The following NIBAN3 variants were observed in gnomAD, a reference collection of about 807,000 sequenced individuals.
NIBAN3 encodes the protein protein Niban 3.
NIBAN3 carries 66 observed loss-of-function variants against 76.4 expected under a neutral mutation model. That is an observed-to-expected ratio of 0.86 (90% CI 0.71 to 1.06). The LOEUF (loss-of-function observed/expected upper bound fraction) is 1.06, where lower values mean the gene tolerates loss of function less well. NIBAN3 is among the 50% of genes least tolerant of loss of function. NIBAN3 has a pLI of 0.00. For synonymous variants in NIBAN3, 360 were observed against 355.2 expected (o/e 1.01, Z -0.15); for missense variants, 808 against 810.7 (o/e 1.00, Z 0.04).
chr19:17,533,566 T>C lies in NIBAN3; in HGVS notation c.313-21T>C, dbSNP rs770670280. ...ACAGTTCAGACCTGTCCCAGGTTGG[T>C]TCTCTGGGTACCTTTTGTAGGAATA... is the stretch of plus-strand genomic sequence containing the variant. On this transcript the variant is annotated intron_variant, in intron 3 of 14. Transcript: ENST00000599164. 1.9e-6 allele frequency: 3 copies of C among 1,557,092 alleles called. No individual in the cohort carries two copies. In the African/African-American group the frequency reaches 4.1e-5, roughly 21 times the overall value.
chr19:17,542,377 C>A lies in NIBAN3; in HGVS notation c.1329+83C>A, dbSNP rs2075970784. ...TCCTGCTAAGTGTGCCCTGGAGAGA[C>A]CACGATGATCGAGACAACTCCGCGG... On this transcript the variant is annotated intron_variant, in intron 10 of 14. Transcript: ENST00000599164. The surrounding 1 kb of genome is among the most constrained non-coding windows in gnomAD (Gnocchi z 4.8). 7.0e-7 allele frequency: 1 copy of A among 1,422,610 alleles called. No homozygotes were observed. The highest frequency in any genetic ancestry group is 2.3e-5 in the East Asian group (1 of 43,290). The allele number at this position is 1,422,610 out of a possible 1,614,324, so 88.1% of individuals were successfully genotyped here. A position where few individuals can be genotyped will look rare whatever the true frequency, so the allele number is the denominator to read the frequency against.
At chr19:17,547,892 C>G (rs1406053098) in intron 13 of NIBAN3, among the ~76,000 whole-genome samples, 2 of 152,116 alleles carry the variant, frequency 1.3e-5, no homozygotes, top group African/African-American at 4.8e-5. Context: ...GTCTCGAACT[C>G]ATGACCTCGT....
chr19:17,546,202 A>G (rs2076052020), intron 12 of NIBAN3: 1 of 164,394 alleles, frequency 6.1e-6, no homozygotes, highest in Non-Finnish European at 1.3e-5. Flanking sequence ...ATATTGGAAT[A>G]AAGAGTAACT....
chr19:17,542,399 G>A lies in NIBAN3; in HGVS notation c.1329+105G>A, dbSNP rs1263410049. On this transcript the variant is annotated intron_variant, in intron 10 of 14. Coordinates refer to ENST00000599164, the MANE Select transcript of NIBAN3 (RefSeq NM_001321827.2). This position sits in a 1 kb window ranked among gnomAD's most constrained non-coding sequence, Gnocchi z 4.8. Reference sequence around the variant, plus strand: ...AGACCACGATGATCGAGACAACTCCGCGGGGCTGCCAGTCTCATGGGGACA... The same window carrying A: ...AGACCACGATGATCGAGACAACTCCACGGGGCTGCCAGTCTCATGGGGACA... 1.9e-5 allele frequency: 24 copies of A among 1,253,858 alleles called. No individual in the cohort carries two copies. The highest frequency in any genetic ancestry group is 1.2e-4 in the East Asian group (5 of 41,940). The allele number at this position is 1,253,858 out of a possible 1,614,324, so 77.7% of individuals were successfully genotyped here.
intron 8 of NIBAN3, 137 bp from the exon 9 acceptor site, chr19:17,540,255 A>T: frequency 5.2e-6 from 3 of 578,390 alleles, no homozygotes; most frequent in Admixed American, 8.4e-5. Flanking sequence ...TCCGAGGCTC[A>T]GTTTTCTCAT....
intron 14 of NIBAN3, 60 bp from the exon 15 acceptor site, chr19:17,551,726 T>C (rs2076159564): frequency 2.9e-6 from 2 of 699,818 alleles, no homozygotes; most frequent in East Asian, 2.6e-5. Flanking sequence ...TAAGCACTTA[T>C]TACATGCCAG....
rs74336438 is a variant in NIBAN3, at chr19:17,530,858, G to A, written c.159G>A (p.Pro53=). 83,641 of 1,613,196 alleles carry A rather than the reference G, an allele frequency of 0.052. 2,329 individuals carry two copies. The highest frequency in any genetic ancestry group is 0.073 in the South Asian group (6,604 of 91,040). The change falls in exon 2 of 15, where the codon CCG becomes CCA. Residue 53 remains proline, a synonymous_variant. Coordinates refer to ENST00000599164, the MANE Select transcript of NIBAN3 (RefSeq NM_001321827.2). ...QISRELGPQE[P]TGSQLLRSKK... ...CTCGAGAGCTGGGCCCTCAGGAGCC[G>A]ACCGGAAGCCAGTTGCTACGCAGCA...
At chr19:17,535,684 G>A (rs886141379) in intron 4 of NIBAN3, among the ~76,000 whole-genome samples, 1 of 149,048 alleles carries the variant, frequency 6.7e-6, no homozygotes, top group African/African-American at 2.5e-5. Context: ...GGAGGCAGAG[G>A]TTATAGTGAG....
At chr19:17,537,699 A>G (rs2075850557) in intron 5 of NIBAN3, among the ~76,000 whole-genome samples, 156 bp downstream of exon 5, 1 of 152,104 alleles carries the variant, frequency 6.6e-6, no homozygotes, top group African/African-American at 2.4e-5. Context: ...TAATTCTAGC[A>G]TTTTGGGAGG....
In NIBAN3 at chr19:17,540,690, T is replaced by C. The variant is rs988828171; in HGVS notation, c.1170+108T>C. On this transcript the variant is annotated intron_variant, in intron 9 of 14. Transcript: ENST00000599164. ...TTTGTTCTAGGCTGCTTTTTACTTA[T>C]TGTGGACCCATCACCATGCTATGGT... 11 of 864,946 alleles carry C rather than the reference T, an allele frequency of 1.3e-5. No homozygotes were observed. In the South Asian group the frequency reaches 2.7e-4, roughly 21 times the overall value. 53.6% of individuals were successfully genotyped at this position (864,946 alleles called of 1,614,324 possible). A position where few individuals can be genotyped will look rare whatever the true frequency, so the allele number is the denominator to read the frequency against.
chr19:17,550,704 A>C (rs1295475719), intron 14 of NIBAN3, among the ~76,000 whole-genome samples: 2 of 152,164 alleles, frequency 1.3e-5, no homozygotes, highest in Admixed American at 6.6e-5. Flanking sequence ...GAGTGTTAGA[A>C]TATTTCAGGA....
chr19:17,548,758 T>C (rs1169988754), intron 13 of NIBAN3, among the ~76,000 whole-genome samples: 1 of 152,016 alleles, frequency 6.6e-6, no homozygotes, highest in Non-Finnish European at 1.5e-5. Context: ...AAACCCCGTC[T>C]CTACTAAAAA....
At chr19:17,540,125 G>A in intron 8 of NIBAN3, 1 of 420,580 alleles carries the variant, frequency 2.4e-6, no homozygotes, top group African/African-American at 2.1e-5. Flanking sequence ...AATGCGGGTG[G>A]GCGGGCCTGG....
chr19:17,554,605 A>C (rs990003523), downstream of NIBAN3, among the ~76,000 whole-genome samples: 44 of 150,414 alleles, frequency 2.9e-4, no homozygotes, highest in African/African-American at 9.8e-4. Context: ...AATATGGTGA[A>C]ACCCCATCTC....
At position 17,552,160 on chromosome 19, in the gene NIBAN3, C is replaced by G. The variant is rs1015556209; in HGVS notation, c.*262C>G. On this transcript the variant is annotated 3_prime_UTR_variant, in exon 15 of 15. Transcript: ENST00000599164. Reference sequence around the variant, plus strand: ...GTGGCAGGATCTCGGCTCACTGCAACCTCCGCCTCCCGGGTTCAAGCGATT... The same window carrying G: ...GTGGCAGGATCTCGGCTCACTGCAAGCTCCGCCTCCCGGGTTCAAGCGATT... The G allele has an allele frequency of 4.6e-6, 1 of 219,016 alleles. No individual in the cohort carries two copies. Among genetic ancestry groups the G allele is most frequent in the Non-Finnish European group, 8.9e-6 (1 of 112,572 alleles). The allele number at this position is 219,016 out of a possible 1,614,324, so 13.6% of individuals were successfully genotyped here.
Position 17,540,433 on chromosome 19 carries a change from G to A in NIBAN3, c.1021G>A (p.Val341Met). The A allele has an allele frequency of 6.5e-7, 1 of 1,541,674 alleles. No homozygotes were observed. ...GCTCGAGTCGTGCCTGCGCCGGGAG[G>A]TGGACCCGCAGCTGCCCCGGGTCGT... ...GPLESCLRRE[V>M]DPQLPRVVQT... The change falls in exon 9 of 15, where the codon GTG becomes ATG. Residue 341 changes from valine (V) to methionine (M), a missense_variant. By Grantham distance (21) the Val-to-Met change is conservative. Transcript: ENST00000599164.
At position 17,545,304 on chromosome 19, in the gene NIBAN3, C is replaced by T. The variant is rs1338961579; in HGVS notation, c.1555-1382C>T. The T allele has an allele frequency of 4.5e-5, 7 of 155,820 alleles. No individual in the cohort carries two copies. The South Asian group carries it at 6.0e-4, about 13-fold the overall frequency. The allele number at this position is 155,820 out of a possible 1,614,324, so 9.7% of individuals were successfully genotyped here. ...GCAACCTCCACCTCCTAGGTTCAAGCGATCCTCCCATCTCAGCCTCCCAAG... is the reference window on the plus strand; with the variant it reads ...GCAACCTCCACCTCCTAGGTTCAAGTGATCCTCCCATCTCAGCCTCCCAAG... On this transcript the variant is annotated intron_variant, in intron 12 of 14. Transcript: ENST00000599164.
rs2076166188 is a variant in NIBAN3, at chr19:17,552,065, GCTTT to G, written c.*172_*175del. Reference sequence around the variant, plus strand: ...CATTTATTTGTGTATTTTCCCCAAGGCTTTCTTTATTTTAATTTTTTTTTTTTTT... The same window carrying G: ...CATTTATTTGTGTATTTTCCCCAAGGCTTTATTTTAATTTTTTTTTTTTTT... On this transcript the variant is annotated 3_prime_UTR_variant, in exon 15 of 15. Coordinates refer to ENST00000599164, the MANE Select transcript of NIBAN3 (RefSeq NM_001321827.2). 9.5e-6 allele frequency: 4 copies of G among 422,966 alleles called. No individual in the cohort carries two copies. Among genetic ancestry groups the G allele is most frequent in the East Asian group, 3.5e-5 (1 of 28,376 alleles). The allele number at this position is 422,966 out of a possible 1,614,324, so 26.2% of individuals were successfully genotyped here.
rs776045006 is a variant in NIBAN3 at position 17,543,529 on chromosome 19, C to G, written c.1452C>G (p.Phe484Leu). Residue 484 changes from phenylalanine (F) to leucine (L), a missense_variant, in exon 12 of 15, where the codon TTC (phenylalanine) becomes TTG (leucine). Physicochemically the swap from Phe to Leu is conservative, Grantham distance 22. Transcript: ENST00000599164. Reference sequence around the variant, plus strand: ...CCGCTGGGTGTGTTGTGCAGAAATTCAAATCGGACAGCGGGTTGGCGCAGA... The same window carrying G: ...CCGCTGGGTGTGTTGTGCAGAAATTGAAATCGGACAGCGGGTTGGCGCAGA... ...ERVRGRVLKK[F>L]KSDSGLAQRR... 3.1e-6 allele frequency: 5 copies of G among 1,614,008 alleles called. No homozygotes were observed. In the African/African-American group the frequency reaches 5.3e-5, roughly 17 times the overall value.
Sources: allele counts gnomAD v4.1 joint callset (sites outside exome capture counted in the v4.1 genomes callset), GRCh38; gene constraint gnomAD v4.1.1; non-coding constraint Gnocchi (gnomAD v3.1); transcripts MANE v1.5; gene names NCBI Gene and HGNC (gene_info 2026-07-23, HGNC 2026-07-21).